Variants in TRPM3 observed in about 807,000 individuals in gnomAD.
TRPM3 encodes long transient receptor potential channel 3.
Under a neutral mutation model 181.2 loss-of-function variants are expected in TRPM3, and 77 were observed. That is an observed-to-expected ratio of 0.42 (90% CI 0.35 to 0.51). TRPM3 has a LOEUF of 0.51. Among genes scored for constraint, TRPM3 ranks in the 20% least tolerant of loss-of-function variants. The probability of loss-of-function intolerance (pLI) is 0.01; values close to 1 mark genes in which losing one functional copy is unlikely to be tolerated. For missense variants in TRPM3, 1,759 were observed against 2,196.7 expected (o/e 0.80, Z 3.98); for synonymous variants, 745 against 796.4 (o/e 0.94, Z 1.09).
intron 6 of TRPM3, among the ~76,000 whole-genome samples, chr9:70,816,928 C>T (rs564209930): frequency 2.8e-4 from 42 of 152,332 alleles, no homozygotes; most frequent in African/African-American, 9.9e-4. Context: ...CACTAAGAAG[C>T]TCACAGGTAA....
intron 1 of TRPM3, among the ~76,000 whole-genome samples, chr9:71,045,614 C>G (rs2059343431): frequency 6.6e-6 from 1 of 152,088 alleles, no homozygotes; most frequent in Non-Finnish European, 1.5e-5. Flanking sequence ...GGCAGGGGGA[C>G]AGATGAGGCA....
intron 22 of TRPM3, among the ~76,000 whole-genome samples, chr9:70,566,224 G>A (rs974759386): frequency 6.6e-6 from 1 of 152,164 alleles, no homozygotes; most frequent in East Asian, 1.9e-4. Context: ...GATGCGGGAA[G>A]CCCACGGGTG....
Position 70,535,817 on chromosome 9 carries a change from A to G in TRPM3, c.*136T>C. The G allele has an allele frequency of 6.7e-7, 1 of 1,501,480 alleles. No individual in the cohort carries two copies. Among genetic ancestry groups the G allele is most frequent in the South Asian group, 1.4e-5 (1 of 72,872 alleles). The allele number at this position is 1,501,480 out of a possible 1,614,324, so 93.0% of individuals were successfully genotyped here. On this transcript the variant is annotated 3_prime_UTR_variant, in exon 26 of 26. Transcript: ENST00000677713. ...GTGGCCCAGAAGTCACCTTTGAGTT[A>G]ACACCTCCCAAAGCATTGCTTGTTT... is the stretch of plus-strand genomic sequence containing the variant.
At chr9:70,764,395 ACAACT>A (rs2078704842) in intron 7 of TRPM3, among the ~76,000 whole-genome samples, 1 of 152,200 alleles carries the variant, frequency 6.6e-6, no homozygotes, top group Non-Finnish European at 1.5e-5. Context: ...AATTTTGATA[ACAACT>A]CAAAATTTGT....
intron 1 of TRPM3, among the ~76,000 whole-genome samples, chr9:71,048,083 A>G (rs929917115): frequency 1.3e-5 from 2 of 152,212 alleles, no homozygotes; most frequent in African/African-American, 4.8e-5. Flanking sequence ...CTAGGTTGGT[A>G]CAAAAGTTAT....
chr9:70,917,415 C>T lies in TRPM3; in HGVS notation c.178-52904G>A, dbSNP rs888324384. 6 of 835,842 alleles carry T rather than the reference C, an allele frequency of 7.2e-6. No individual in the cohort carries two copies. In the African/African-American group the frequency reaches 8.4e-5, roughly 12 times the overall value. The allele number at this position is 835,842 out of a possible 1,614,324, so 51.8% of individuals were successfully genotyped here. A position where few individuals can be genotyped will look rare whatever the true frequency, so the allele number is the denominator to read the frequency against. ...GAGCTCAGTGGGGACACCACCTCCACCTGCTCAGAAATGAACTCGGCCAGA... is the reference window on the plus strand; with the variant it reads ...GAGCTCAGTGGGGACACCACCTCCATCTGCTCAGAAATGAACTCGGCCAGA... On this transcript the variant is annotated intron_variant, in intron 1 of 25. Coordinates refer to ENST00000677713, the MANE Select transcript of TRPM3 (RefSeq NM_001366145.2).
intron 1 of TRPM3, among the ~76,000 whole-genome samples, chr9:71,008,477 A>C (rs1448593272): frequency 6.6e-6 from 1 of 152,208 alleles, no homozygotes; most frequent in Non-Finnish European, 1.5e-5. Flanking sequence ...ACTTTAGGCC[A>C]ATATCCCAGA....
intron 1 of TRPM3, among the ~76,000 whole-genome samples, chr9:71,083,838 T>C (rs2064821828): frequency 6.6e-6 from 1 of 151,790 alleles, no homozygotes; most frequent in Non-Finnish European, 1.5e-5. Context: ...AGCCTGTATA[T>C]ATATGCAGTG....
chr9:70,622,514 G>GT (rs2063776767), intron 14 of TRPM3, among the ~76,000 whole-genome samples: 1 of 152,244 alleles, frequency 6.6e-6, no homozygotes, highest in Admixed American at 6.5e-5. Context: ...CAGAGGGCCT[G>GT]TGCTGATGGT....
At chr9:70,675,795 G>A (rs10780956) in intron 9 of TRPM3, among the ~76,000 whole-genome samples, 99,472 of 151,992 alleles carry the variant, frequency 0.65, 32,933 homozygotes, top group African/African-American at 0.75. Flanking sequence ...TGACCTTTAA[G>A]GTTAATTCCA....
chr9:70,852,289 A>AAAAC (rs1284044799), intron 3 of TRPM3, among the ~76,000 whole-genome samples: 1 of 151,978 alleles, frequency 6.6e-6, no homozygotes, highest in African/African-American at 2.4e-5. Context: ...TCCCAACAAC[A>AAAAC]GGGATGTTGG....
At chr9:71,266,384 C>T (rs566329234) in intron 1 of TRPM3, among the ~76,000 whole-genome samples, 1 of 151,914 alleles carries the variant, frequency 6.6e-6, no homozygotes, top group African/African-American at 2.4e-5. Flanking sequence ...GAAAGGAAAC[C>T]GGTTTTTAAA....
chr9:71,332,114 G>C (rs577852770), intron 1 of TRPM3, among the ~76,000 whole-genome samples: 1 of 151,280 alleles, frequency 6.6e-6, no homozygotes, highest in African/African-American at 2.4e-5. Flanking sequence ...CAAAATCAAC[G>C]TATCTATCCA....
intron 6 of TRPM3, among the ~76,000 whole-genome samples, chr9:70,794,431 C>T (rs2086477716): frequency 6.6e-6 from 1 of 152,154 alleles, no homozygotes; most frequent in African/African-American, 2.4e-5. Context: ...TGAGGCTTGG[C>T]CTTTTGCCTG....
intron 1 of TRPM3, among the ~76,000 whole-genome samples, chr9:71,218,159 TTCCC>T (rs2080012100): frequency 6.6e-6 from 1 of 152,150 alleles, no homozygotes; most frequent in Non-Finnish European, 1.5e-5. Context: ...TGCTCTAACT[TTCCC>T]TATCCACACA....
At chr9:70,598,244 G>A (rs914059252) in intron 21 of TRPM3, among the ~76,000 whole-genome samples, 175 bp downstream of exon 21, 1 of 152,102 alleles carries the variant, frequency 6.6e-6, no homozygotes, top group African/African-American at 2.4e-5. Flanking sequence ...CTCCAGTTTT[G>A]TATATAGATG....
chr9:71,326,664 T>C (rs1295912554), intron 1 of TRPM3, among the ~76,000 whole-genome samples: 1 of 152,218 alleles, frequency 6.6e-6, no homozygotes, highest in Non-Finnish European at 1.5e-5. Context: ...TGCCATTTAG[T>C]GTTCCTGATT....
chr9:70,625,243 TAGTTGC>T lies in TRPM3; in HGVS notation c.1751_1756del (p.Cys584_Asn585del). On this transcript the variant is annotated inframe_deletion, in exon 14 of 26. Coordinates refer to ENST00000677713, the MANE Select transcript of TRPM3 (RefSeq NM_001366145.2). This position sits in a 1 kb window ranked among gnomAD's most constrained non-coding sequence, Gnocchi z 4.8. ...GAGGGTCCGGAAGCGCTTGCGCGTGTAGTTGCAGCGATAAGCCCCGCCCATCAGGTA... is the reference window on the plus strand; with the variant it reads ...GAGGGTCCGGAAGCGCTTGCGCGTGTAGCGATAAGCCCCGCCCATCAGGTA... The T allele has an allele frequency of 6.2e-7, 1 of 1,614,124 alleles. No homozygotes were observed. The highest frequency in any genetic ancestry group is 8.5e-7 in the Non-Finnish European group (1 of 1,180,032).
chr9:71,189,813 G>A (rs888057162), intron 1 of TRPM3, among the ~76,000 whole-genome samples: 6 of 151,516 alleles, frequency 4.0e-5, no homozygotes, highest in African/African-American at 1.2e-4. Context: ...TTGTGTATCT[G>A]TCCCCATCCA....
Sources: gnomAD v4.1 joint callset for allele counts (sites outside exome capture counted in the v4.1 genomes callset) on GRCh38, gnomAD v4.1.1 for gene constraint, Gnocchi (gnomAD v3.1) non-coding constraint, MANE v1.5 for transcripts, NCBI Gene and HGNC (gene_info 2026-07-23, HGNC 2026-07-21) for gene names.